The following DLG2 variants were observed in gnomAD, a reference collection of about 807,000 sequenced individuals.
DLG2 encodes the protein discs large MAGUK scaffold protein 2.
Under a neutral mutation model 132.5 loss-of-function variants are expected in DLG2, and 45 were observed. That is an observed-to-expected ratio of 0.34 (90% CI 0.27 to 0.44). The LOEUF is 0.44. DLG2 is among the 20% of genes least tolerant of loss of function. The pLI, the probability that DLG2 is intolerant of heterozygous loss-of-function variation, is 1.00. For missense variants in DLG2, 1,045 were observed against 1,196.9 expected (o/e 0.87, Z 1.87); for synonymous variants, 424 against 419.6 (o/e 1.01, Z -0.13).
intron 4 of DLG2, among the ~76,000 whole-genome samples, chr11:85,159,862 G>T (rs2152470497): frequency 6.6e-6 from 1 of 152,270 alleles, no homozygotes; most frequent in African/African-American, 2.4e-5. Context: ...GAACTTGATA[G>T]CTTTTTGCTT....
chr11:84,895,975 A>G (rs2090132769), intron 6 of DLG2, among the ~76,000 whole-genome samples: 1 of 152,130 alleles, frequency 6.6e-6, no homozygotes, highest in Non-Finnish European at 1.5e-5. Flanking sequence ...TGAATTTATG[A>G]ATGTATTAAT....
intron 6 of DLG2, among the ~76,000 whole-genome samples, chr11:85,088,522 A>T (rs2068287747): frequency 6.6e-6 from 1 of 152,342 alleles, no homozygotes; most frequent in East Asian, 1.9e-4. Context: ...ATAATCTGGT[A>T]GGACTCAACA....
chr11:84,096,076 T>C (rs114398684), intron 10 of DLG2, among the ~76,000 whole-genome samples: 1 of 152,176 alleles, frequency 6.6e-6, no homozygotes, highest in Admixed American at 6.5e-5. Flanking sequence ...CCACATGATG[T>C]AGGGATTCTA....
intron 3 of DLG2, among the ~76,000 whole-genome samples, chr11:85,300,563 T>C (rs1178643047): frequency 2.0e-5 from 3 of 152,132 alleles, no homozygotes; most frequent in East Asian, 1.9e-4. Context: ...GCTGTATGAA[T>C]AGATAGATGG....
intron 15 of DLG2, among the ~76,000 whole-genome samples, chr11:83,887,026 A>G (rs1015855812): frequency 2.0e-5 from 3 of 152,300 alleles, no homozygotes; most frequent in Admixed American, 6.5e-5. Flanking sequence ...CCCTAACATC[A>G]CAATTAAAAG....
chr11:84,420,928 A>G (rs984017120), intron 7 of DLG2, among the ~76,000 whole-genome samples: 3 of 151,808 alleles, frequency 2.0e-5, no homozygotes, highest in African/African-American at 7.3e-5. Context: ...TCGGCCTCCC[A>G]AAGTGCTGGG....
At chr11:84,499,310 G>T (rs1349227798) in intron 7 of DLG2, among the ~76,000 whole-genome samples, 1 of 152,128 alleles carries the variant, frequency 6.6e-6, no homozygotes, top group Non-Finnish European at 1.5e-5. Flanking sequence ...CCCTGATAAT[G>T]GCAGATTTCA....
At chr11:85,602,579 C>T (rs2080245434) in intron 2 of DLG2, among the ~76,000 whole-genome samples, 4 of 152,094 alleles carry the variant, frequency 2.6e-5, no homozygotes, top group Admixed American at 2.6e-4. Context: ...GAGATGAGGT[C>T]TCACTATGTT....
intron 6 of DLG2, among the ~76,000 whole-genome samples, chr11:84,712,635 CT>C (rs746537015): frequency 2.3e-4 from 35 of 152,022 alleles, no homozygotes; most frequent in Non-Finnish European, 4.6e-4. Flanking sequence ...TCTACATCTT[CT>C]CAGCAATATG....
intron 3 of DLG2, among the ~76,000 whole-genome samples, chr11:85,383,422 A>G (rs2086065123): frequency 6.6e-6 from 1 of 152,154 alleles, no homozygotes; most frequent in Non-Finnish European, 1.5e-5. Context: ...TACTAACAAA[A>G]CGCTGAATTG....
At chr11:83,664,864 T>C (rs552431946) in intron 18 of DLG2, among the ~76,000 whole-genome samples, 1 of 152,318 alleles carries the variant, frequency 6.6e-6, no homozygotes, top group South Asian at 2.1e-4. Flanking sequence ...TTATTTAGCA[T>C]TTAACTGAGT....
chr11:85,415,450 G>A (rs193116131), intron 3 of DLG2, among the ~76,000 whole-genome samples: 9 of 152,220 alleles, frequency 5.9e-5, no homozygotes, highest in Admixed American at 5.9e-4. Flanking sequence ...CTTCCACAAT[G>A]GTTGAACTAA....
Position 84,936,718 on chromosome 11 carries a change from A to C in DLG2, c.357+174943T>G, listed in dbSNP as rs556503040. 8 of 152,338 alleles carry C rather than the reference A, an allele frequency of 5.3e-5. No individual in the cohort carries two copies. In the South Asian group the frequency reaches 1.7e-3, roughly 32 times the overall value. 9.4% of individuals were successfully genotyped at this position (152,338 alleles called of 1,614,324 possible). A position where few individuals can be genotyped will look rare whatever the true frequency, so the allele number is the denominator to read the frequency against. On this transcript the variant is annotated intron_variant, in intron 6 of 27. Coordinates refer to ENST00000376104, the MANE Select transcript of DLG2 (RefSeq NM_001142699.3). ...CTTTCCTAATTTTTCTACAATGAGC[A>C]TGGCTTTTGAAATTTAAAAAAAGGT...
intron 4 of DLG2, among the ~76,000 whole-genome samples, chr11:85,155,697 C>T (rs566187875): frequency 8.2e-4 from 124 of 152,088 alleles, no homozygotes; most frequent in Middle Eastern, 6.8e-3. Flanking sequence ...TGGTGAAACC[C>T]TATCTCTACT....
intron 6 of DLG2, among the ~76,000 whole-genome samples, chr11:84,646,192 TA>T (rs1260336029): frequency 5.9e-5 from 9 of 152,226 alleles, no homozygotes; most frequent in Admixed American, 5.9e-4. Context: ...TGGCTTCAAG[TA>T]ATCTATGCAC....
intron 21 of DLG2, among the ~76,000 whole-genome samples, chr11:83,507,061 C>A (rs1331851665): frequency 6.6e-6 from 1 of 152,104 alleles, no homozygotes; most frequent in Non-Finnish European, 1.5e-5. Context: ...TAGGAGCAAC[C>A]AAGCAGCTTC....
chr11:85,217,314 T>A (rs950290284), intron 4 of DLG2, among the ~76,000 whole-genome samples: 2 of 22,044 alleles, frequency 9.1e-5, no homozygotes, highest in African/African-American at 1.4e-4. Context: ...ATTCTCTCTC[T>A]CTCTCACACA....
intron 4 of DLG2, among the ~76,000 whole-genome samples, chr11:85,269,748 C>G (rs557695336): frequency 6.6e-5 from 10 of 152,262 alleles, no homozygotes; most frequent in African/African-American, 1.9e-4. Flanking sequence ...AAATGAAGGT[C>G]TGCTCTTGTT....
At chr11:83,969,388 A>G (rs2090894752) in intron 12 of DLG2, among the ~76,000 whole-genome samples, 1 of 152,180 alleles carries the variant, frequency 6.6e-6, no homozygotes, top group Admixed American at 6.5e-5. Flanking sequence ...TTCCTGCTTA[A>G]TCCAGTGGTA....
Sources: gnomAD v4.1 joint callset for allele counts (sites outside exome capture counted in the v4.1 genomes callset) on GRCh38, gnomAD v4.1.1 for gene constraint, MANE v1.5 for transcripts, NCBI Gene and HGNC (gene_info 2026-07-23, HGNC 2026-07-21) for gene names.